Variants in SHISAL1 observed in about 807,000 individuals in gnomAD.
The protein encoded by SHISAL1 is protein shisa-like-1.
Under a neutral mutation model 22.6 loss-of-function variants are expected in SHISAL1, and 9 were observed. The observed-to-expected ratio is 0.40, with a 90% CI of 0.24 to 0.70. SHISAL1 has a LOEUF of 0.70. Ranked by LOEUF, SHISAL1 falls within the 30% of genes least tolerant of loss-of-function variation. The probability of loss-of-function intolerance (pLI) is 0.39; values close to 1 mark genes in which losing one functional copy is unlikely to be tolerated. For missense variants in SHISAL1, 246 were observed against 270.6 expected (o/e 0.91, Z 0.64); for synonymous variants, 119 against 115.4 (o/e 1.03, Z -0.20).
At chr22:44,273,999 C>G (rs2147282365) in intron 4 of SHISAL1, among the ~76,000 whole-genome samples, 1 of 152,234 alleles carries the variant, frequency 6.6e-6, no homozygotes, top group South Asian at 2.1e-4. Context: ...AGGTGGATTG[C>G]TTGAGGTCAG....
chr22:44,254,786 A>G (rs1262918580), intron 4 of SHISAL1, among the ~76,000 whole-genome samples: 1 of 133,402 alleles, frequency 7.5e-6, no homozygotes, highest in Non-Finnish European at 1.6e-5. Context: ...AGCAGGAGAT[A>G]TAATATGTAG....
upstream of SHISAL1, among the ~76,000 whole-genome samples, chr22:44,315,081 C>T (rs1221435171): frequency 1.3e-5 from 2 of 152,116 alleles, no homozygotes; most frequent in Non-Finnish European, 2.9e-5. Context: ...CGTTCCTGCT[C>T]TCAGGCTGAG....
intron 1 of SHISAL1, among the ~76,000 whole-genome samples, chr22:44,311,941 A>C (rs1329437732): frequency 6.6e-6 from 1 of 152,198 alleles, no homozygotes; most frequent in African/African-American, 2.4e-5. Context: ...TTCCCACTGG[A>C]GAAACACAAA....
At chr22:44,315,964 T>C (rs1277066126), upstream of SHISAL1, among the ~76,000 whole-genome samples, 1 of 152,006 alleles carries the variant, frequency 6.6e-6, no homozygotes, top group East Asian at 1.9e-4. Context: ...GGGAGAGGCA[T>C]TGCACAGTGT....
At chr22:44,264,441 G>C (rs1000208929) in intron 4 of SHISAL1, among the ~76,000 whole-genome samples, 1 of 152,172 alleles carries the variant, frequency 6.6e-6, no homozygotes, top group Non-Finnish European at 1.5e-5. Context: ...AAATGACAGA[G>C]AGCAGGTGTG....
chr22:44,311,466 A>G (rs887804258), intron 1 of SHISAL1, among the ~76,000 whole-genome samples: 2 of 152,198 alleles, frequency 1.3e-5, no homozygotes, highest in Non-Finnish European at 2.9e-5. Flanking sequence ...ACCATGCCCC[A>G]GCCAGCTGGG....
chr22:44,302,125 G>A (rs1431504827), intron 1 of SHISAL1, among the ~76,000 whole-genome samples: 1 of 152,186 alleles, frequency 6.6e-6, no homozygotes, highest in African/African-American at 2.4e-5. Context: ...CGGATCACCT[G>A]AGGTCAGGAG....
At chr22:44,263,079 C>CTTTCTT (rs55901041) in intron 4 of SHISAL1, among the ~76,000 whole-genome samples, 8,499 of 88,276 alleles carry the variant, frequency 0.096, 687 homozygotes, top group East Asian at 0.16. Context: ...TTCTTTCTTT[C>CTTTCTT]TTTTTTTTTT....
chr22:44,259,912 C>G (rs1303141707), intron 4 of SHISAL1, among the ~76,000 whole-genome samples: 1 of 152,230 alleles, frequency 6.6e-6, no homozygotes, highest in Non-Finnish European at 1.5e-5. Flanking sequence ...GCTCCCTGCA[C>G]TGCAAGCATA....
At chr22:44,301,761 G>A (rs142246100) in intron 1 of SHISAL1, among the ~76,000 whole-genome samples, 203 of 152,276 alleles carry the variant, frequency 1.3e-3, no homozygotes, top group Non-Finnish European at 2.1e-3. Context: ...ACAGCAGGGG[G>A]ATCCCAGAGG....
At chr22:44,316,427 G>A (rs1199373495), upstream of SHISAL1, among the ~76,000 whole-genome samples, 3 of 151,536 alleles carry the variant, frequency 2.0e-5, no homozygotes, top group East Asian at 1.9e-4. Flanking sequence ...GGGGGCAAAG[G>A]ATTTGCATCT....
chr22:44,319,400 C>G, the SHISAL1 span, among the ~76,000 whole-genome samples: 5 of 152,246 alleles, frequency 3.3e-5, no homozygotes, highest in African/African-American at 4.8e-5. Flanking sequence ...AGGACTCAGG[C>G]TCTTGGCCTT....
At chr22:44,269,315 A>G (rs2055188797) in intron 4 of SHISAL1, among the ~76,000 whole-genome samples, 1 of 136,362 alleles carries the variant, frequency 7.3e-6, no homozygotes, top group African/African-American at 3.6e-5. Context: ...CATACTGCAC[A>G]GACACCCACA....
At chr22:44,281,462 G>A (rs2055276396) in intron 4 of SHISAL1, among the ~76,000 whole-genome samples, 1 of 152,088 alleles carries the variant, frequency 6.6e-6, no homozygotes, top group African/African-American at 2.4e-5. Flanking sequence ...GTCTGTGTGT[G>A]TAGGGGGTAG....
chr22:44,269,539 C>T (rs957422379), intron 4 of SHISAL1, among the ~76,000 whole-genome samples: 4 of 140,142 alleles, frequency 2.9e-5, no homozygotes, highest in Non-Finnish European at 6.2e-5. Context: ...ACACACACAC[C>T]ATGCCACAGA....
chr22:44,330,289 G>A, the SHISAL1 span, among the ~76,000 whole-genome samples: 1 of 152,226 alleles, frequency 6.6e-6, no homozygotes, highest in Admixed American at 6.5e-5. Context: ...GAAGCCTCAG[G>A]AGCCTTGGTC....
Position 44,251,298 on chromosome 22 carries a change from G to T in SHISAL1, c.*-1613C>A, listed in dbSNP as rs116992587. Among the ~76,000 whole-genome samples the T allele has an allele frequency of 8.5e-3, 1,300 of 152,294 alleles. 11 individuals are homozygous for T. The highest frequency in any genetic ancestry group is 0.014 in the Non-Finnish European group (984 of 68,028). On this transcript the variant is annotated intron_variant, in intron 4 of 4. Transcript: ENST00000381176. ...ATAAACCAAGAATTTAAAGCCCAAT[G>T]AACCATCTGTCAAGAATAAAGTCAA...
the SHISAL1 span, among the ~76,000 whole-genome samples, chr22:44,322,608 G>C: frequency 6.6e-6 from 1 of 152,190 alleles, no homozygotes; most frequent in Non-Finnish European, 1.5e-5. Flanking sequence ...ACATTATGGA[G>C]GGGGAAACAG....
intron 4 of SHISAL1, among the ~76,000 whole-genome samples, chr22:44,251,083 G>T (rs1457936568): frequency 6.6e-6 from 1 of 152,140 alleles, no homozygotes; most frequent in Non-Finnish European, 1.5e-5. Context: ...TTTCTCCATA[G>T]CACACACCTC....
Sources: allele counts gnomAD v4.1 joint callset (sites outside exome capture counted in the v4.1 genomes callset), GRCh38; gene constraint gnomAD v4.1.1; transcripts MANE v1.5; gene names NCBI Gene and HGNC (gene_info 2026-07-23, HGNC 2026-07-21).